IL1R1: variants seen among roughly 807,000 people sequenced by gnomAD.
IL1R1 encodes interleukin 1 receptor type 1, also known as interleukin-1 receptor type 1.
In IL1R1, 22 loss-of-function variants were observed where a neutral mutation model predicts 50.2. The ratio of observed to expected loss-of-function variants is 0.44; its 90% confidence interval spans 0.31 to 0.63. The LOEUF (loss-of-function observed/expected upper bound fraction) is 0.63, where lower values mean the gene tolerates loss of function less well. IL1R1 is among the 20% of genes least tolerant of loss of function. The probability of loss-of-function intolerance (pLI) is 0.07; values close to 1 mark genes in which losing one functional copy is unlikely to be tolerated. For synonymous variants in IL1R1, 251 were observed against 236.7 expected (o/e 1.06, Z -0.55); for missense variants, 509 against 676.2 (o/e 0.75, Z 2.74).
chr2:102,079,477 TAAG>T (rs1366668458), intron 1 of IL1R1, among the ~76,000 whole-genome samples: 3 of 152,044 alleles, frequency 2.0e-5, no homozygotes, highest in Non-Finnish European at 4.4e-5. Flanking sequence ...AAAATGAAAT[TAAG>T]AAAACAATTC....
chr2:102,144,882 C>T (rs566378950), intron 1 of IL1R1, among the ~76,000 whole-genome samples: 6 of 152,228 alleles, frequency 3.9e-5, no homozygotes, highest in African/African-American at 1.4e-4. Context: ...TCCCTTGCCT[C>T]AGTTCCTAGG....
intron 1 of IL1R1, among the ~76,000 whole-genome samples, chr2:102,090,757 T>C (rs1478065098): frequency 6.6e-6 from 1 of 152,216 alleles, no homozygotes; most frequent in East Asian, 1.9e-4. Flanking sequence ...TTATTTACAG[T>C]CTTAGTTTGC....
At chr2:102,110,294 G>A (rs1452120893) in intron 1 of IL1R1, among the ~76,000 whole-genome samples, 1 of 152,194 alleles carries the variant, frequency 6.6e-6, no homozygotes, top group Non-Finnish European at 1.5e-5. Context: ...TTCAGGCAAT[G>A]TTGCGACCAG....
upstream of IL1R1, among the ~76,000 whole-genome samples, chr2:102,101,028 A>G (rs1680117905): frequency 6.6e-6 from 1 of 152,182 alleles, no homozygotes; most frequent in Non-Finnish European, 1.5e-5. Flanking sequence ...GGTTAAACTA[A>G]CAGAATGTGT....
chr2:102,077,180 C>T (rs566024389), intron 1 of IL1R1, among the ~76,000 whole-genome samples: 3 of 152,262 alleles, frequency 2.0e-5, no homozygotes, highest in African/African-American at 7.2e-5. Context: ...AAGCAATTCT[C>T]ACATCTCAGC....
chr2:102,147,691 C>T (rs540556881), intron 1 of IL1R1, among the ~76,000 whole-genome samples: 45 of 152,184 alleles, frequency 3.0e-4, no homozygotes, highest in African/African-American at 1.0e-3. Context: ...AGGTCCATCC[C>T]CATCTGTGGC....
At chr2:102,093,674 A>G (rs961502669) in intron 1 of IL1R1, among the ~76,000 whole-genome samples, 1 of 152,070 alleles carries the variant, frequency 6.6e-6, no homozygotes, top group Non-Finnish European at 1.5e-5. Context: ...TTTCTTGCCC[A>G]TTTTTCAATT....
rs775561176 is a variant in IL1R1 at position 102,165,197 on chromosome 2, A to G, written c.379A>G (p.Ile127Val). ...EPNLCYNAQA[I>V]FKQKLPVAGD... Reference sequence around the variant, plus strand: ...TAACTTATGTTATAATGCACAAGCCATATTTAAGCAGAAACTACCCGTTGC... The same window carrying G: ...TAACTTATGTTATAATGCACAAGCCGTATTTAAGCAGAAACTACCCGTTGC... The change falls in exon 5 of 12, where the codon ATA (isoleucine) becomes GTA (valine). Residue 127 changes from isoleucine (I) to valine (V), a missense_variant. Physicochemically the swap from Ile to Val is conservative, Grantham distance 29. Coordinates refer to ENST00000410023, the MANE Select transcript of IL1R1 (RefSeq NM_000877.4). 2 of 1,607,588 alleles carry G rather than the reference A, an allele frequency of 1.2e-6. No homozygotes were observed. The highest frequency in any genetic ancestry group is 1.3e-5 in the African/African-American group (1 of 74,556).
chr2:102,120,915 C>G (rs910521280), intron 1 of IL1R1, among the ~76,000 whole-genome samples: 1 of 152,194 alleles, frequency 6.6e-6, no homozygotes, highest in East Asian at 1.9e-4. Flanking sequence ...ATGTGGTCCA[C>G]ATCCGGGTTT....
chr2:102,173,012 C>T (rs973917913), intron 9 of IL1R1, among the ~76,000 whole-genome samples, 174 bp downstream of exon 9: 5 of 152,190 alleles, frequency 3.3e-5, no homozygotes, highest in Admixed American at 6.5e-5. Flanking sequence ...GGAAGCTTTT[C>T]TGTCCTGCTG....
rs148767994 is a variant in IL1R1 at position 102,096,183 on chromosome 2, G to A, written c.-84+25650G>A. ...TCATTTTCCACTCAATGAATTTGGG[G>A]ACTTTTACAGGATTTTTTGCTATTA... On this transcript the variant is annotated intron_variant, in intron 1 of 11. Coordinates refer to the IL1R1 transcript ENST00000409929. 3.0e-3 allele frequency among the ~76,000 whole-genome samples: 458 copies of A among 152,200 alleles called. 5 individuals are homozygous for A. The highest frequency in any genetic ancestry group is 7.5e-3 in the South Asian group (36 of 4,820).
intron 1 of IL1R1, among the ~76,000 whole-genome samples, chr2:102,093,873 C>A (rs1432950303): frequency 6.6e-6 from 1 of 152,178 alleles, no homozygotes; most frequent in African/African-American, 2.4e-5. Flanking sequence ...AGGCTCCCGG[C>A]AGCTGCAGTG....
chr2:102,093,603 A>G (rs1679773980), intron 1 of IL1R1, among the ~76,000 whole-genome samples: 1 of 152,068 alleles, frequency 6.6e-6, no homozygotes, highest in Non-Finnish European at 1.5e-5. Context: ...GATATTGAGC[A>G]TTTTTTCGTG....
intron 1 of IL1R1, among the ~76,000 whole-genome samples, chr2:102,097,116 G>A (rs922477854): frequency 1.3e-5 from 2 of 152,090 alleles, no homozygotes; most frequent in African/African-American, 4.8e-5. Flanking sequence ...GTCTAAAGTT[G>A]GTCATTGGCT....
chr2:102,098,768 T>A (rs1284045580), intron 1 of IL1R1, among the ~76,000 whole-genome samples: 1 of 152,226 alleles, frequency 6.6e-6, no homozygotes, highest in African/African-American at 2.4e-5. Context: ...TAATTTTCCA[T>A]CTATTCTTTA....
Position 102,108,245 on chromosome 2 carries a change from G to T in IL1R1, c.-84+3373G>T, listed in dbSNP as rs528773268. Among the ~76,000 whole-genome samples the T allele has an allele frequency of 1.3e-4, 19 of 149,706 alleles. No individual in the cohort carries two copies. In the East Asian group the frequency reaches 3.1e-3, roughly 24 times the overall value. Reference sequence around the variant, plus strand: ...GTGTATGTATGTGTGTGTGTGTGGGGGGGGGTGTGTATAACATATTTCTAT... The same window carrying T: ...GTGTATGTATGTGTGTGTGTGTGGGTGGGGGTGTGTATAACATATTTCTAT... On this transcript the variant is annotated intron_variant, in intron 1 of 10. Coordinates refer to the IL1R1 transcript ENST00000409329.
intron 1 of IL1R1, among the ~76,000 whole-genome samples, chr2:102,120,026 T>C (rs1428340040): frequency 6.6e-6 from 1 of 152,188 alleles, no homozygotes; most frequent in East Asian, 1.9e-4. Context: ...CAGAACTCTG[T>C]CGTGGCCCCT....
At chr2:102,175,743 A>C in intron 11 of IL1R1, 98 bp downstream of exon 11, 2 of 1,092,340 alleles carry the variant, frequency 1.8e-6, no homozygotes, top group Non-Finnish European at 2.8e-6. Context: ...ATAGGGGTAT[A>C]TGTTTCACAA....
intron 2 of IL1R1, among the ~76,000 whole-genome samples, chr2:102,156,731 T>C (rs1382811331): frequency 1.3e-5 from 2 of 152,170 alleles, no homozygotes; most frequent in African/African-American, 2.4e-5. Flanking sequence ...CAGGCTTGTC[T>C]TGAAGTCCTG....
Sources: gnomAD v4.1 joint callset for allele counts (sites outside exome capture counted in the v4.1 genomes callset) on GRCh38, gnomAD v4.1.1 for gene constraint, MANE v1.5 for transcripts, NCBI Gene and HGNC (gene_info 2026-07-23, HGNC 2026-07-21) for gene names.